NAA11: variants seen among roughly 807,000 people sequenced by gnomAD.
The protein encoded by NAA11 is N-alpha-acetyltransferase 11, NatA catalytic subunit, also known as N-alpha-acetyltransferase 11.
Under a neutral mutation model 16.1 loss-of-function variants are expected in NAA11, and 15 were observed. The ratio of observed to expected loss-of-function variants is 0.93; its 90% CI spans 0.62 to 1.44. The LOEUF (loss-of-function observed/expected upper bound fraction) is 1.44, where lower values mean the gene tolerates loss of function less well. Ranked by LOEUF, NAA11 falls within the 40% of genes most tolerant of loss-of-function variation. The probability of loss-of-function intolerance (pLI) is 0.00; values close to 1 mark genes in which losing one functional copy is unlikely to be tolerated. For missense variants in NAA11, 298 were observed against 291.3 expected, an observed-to-expected ratio of 1.02 and a Z score of -0.17; for synonymous variants, 122 against 112.4, an observed-to-expected ratio of 1.09 and a Z score of -0.54.
intron 2 of NAA11, among the ~76,000 whole-genome samples, chr4:79,236,898 C>A (rs960138450): frequency 3.9e-5 from 6 of 152,110 alleles, no homozygotes; most frequent in Admixed American, 3.3e-4. Flanking sequence ...AAAACAACTC[C>A]GCATGCTAAG....
chr4:79,325,108 T>A (rs558831027), intron 1 of NAA11, 68 bp downstream of exon 1: 2 of 1,362,128 alleles, frequency 1.5e-6, no homozygotes, highest in South Asian at 3.0e-5. Flanking sequence ...CAGGATGGAA[T>A]TGGGCAGGCC....
the NAA11 span, among the ~76,000 whole-genome samples, chr4:79,188,019 AAAAAG>A: frequency 6.6e-6 from 1 of 151,358 alleles, no homozygotes; most frequent in African/African-American, 2.4e-5. Context: ...AAAAAAAAAA[AAAAAG>A]AAATACTTGT....
At chr4:79,212,902 A>G in the NAA11 span, among the ~76,000 whole-genome samples, 4 of 152,106 alleles carry the variant, frequency 2.6e-5, no homozygotes, top group African/African-American at 9.7e-5. Flanking sequence ...GGACTACTGT[A>G]TTATAATTGT....
the NAA11 span, among the ~76,000 whole-genome samples, chr4:79,204,091 T>C: frequency 1.3e-5 from 2 of 151,892 alleles, no homozygotes; most frequent in African/African-American, 2.4e-5. Context: ...GAAAGGTATT[T>C]TGACAATGTA....
At chr4:79,262,785 C>A (rs1722268675) in intron 2 of NAA11, among the ~76,000 whole-genome samples, 1 of 152,058 alleles carries the variant, frequency 6.6e-6, no homozygotes, top group Non-Finnish European at 1.5e-5. Flanking sequence ...TAAATGTGTT[C>A]TAAAGGGCAT....
chr4:79,293,568 A>G (rs1295376087), intron 2 of NAA11, among the ~76,000 whole-genome samples: 1 of 152,240 alleles, frequency 6.6e-6, no homozygotes, highest in Non-Finnish European at 1.5e-5. Flanking sequence ...ATTCAAGCTT[A>G]TATGGCAGAA....
At chr4:79,303,834 A>G (rs1242103735) in intron 1 of NAA11, among the ~76,000 whole-genome samples, 1 of 152,210 alleles carries the variant, frequency 6.6e-6, no homozygotes, top group Non-Finnish European at 1.5e-5. Context: ...TTTCACTTAA[A>G]GATCAAAATG....
downstream of NAA11, among the ~76,000 whole-genome samples, chr4:79,315,533 C>T (rs1723902125): frequency 2.0e-5 from 3 of 152,078 alleles, no homozygotes; most frequent in African/African-American, 7.2e-5. Context: ...GCTAGCAGAC[C>T]TGAGCACATC....
At chr4:79,303,187 A>G (rs1023381428) in intron 1 of NAA11, among the ~76,000 whole-genome samples, 1 of 149,466 alleles carries the variant, frequency 6.7e-6, no homozygotes, top group South Asian at 2.1e-4. Context: ...AAGAAACAAC[A>G]TAAGAGATAA....
chr4:79,321,968 C>G (rs900273480), intron 1 of NAA11, among the ~76,000 whole-genome samples: 1 of 152,046 alleles, frequency 6.6e-6, no homozygotes, highest in Non-Finnish European at 1.5e-5. Flanking sequence ...CTAAATGATC[C>G]CTGAATGATA....
the NAA11 span, among the ~76,000 whole-genome samples, chr4:79,157,537 A>G: frequency 6.6e-6 from 1 of 151,886 alleles, no homozygotes; most frequent in East Asian, 1.9e-4. Context: ...ATATGCATGT[A>G]TATATACACA....
At chr4:79,246,028 T>C (rs1177871240) in intron 2 of NAA11, among the ~76,000 whole-genome samples, 1 of 152,200 alleles carries the variant, frequency 6.6e-6, no homozygotes, top group Admixed American at 6.5e-5. Flanking sequence ...TGTTCTGTAC[T>C]AAGAAAAATT....
At chr4:79,242,051 T>G (rs909605338) in intron 2 of NAA11, among the ~76,000 whole-genome samples, 1 of 152,224 alleles carries the variant, frequency 6.6e-6, no homozygotes, top group South Asian at 2.1e-4. Context: ...TGATGCTGCT[T>G]CTTGCTCCTC....
chr4:79,253,643 T>G lies in NAA11; in HGVS notation c.*123-27373A>C, dbSNP rs139203437. ...AACATGAATGATTTCAACAAAGAAC[T>G]AGAAGTCCTACGACAGAATATTCAA... On this transcript the variant is annotated intron_variant and NMD_transcript_variant, in intron 2 of 2. Transcript: ENST00000511542. Among the ~76,000 whole-genome samples the G allele has an allele frequency of 2.5e-3, 388 of 152,240 alleles. 1 individual carries two copies. The highest frequency in any genetic ancestry group is 4.8e-3 in the Admixed American group (74 of 15,292).
intron 1 of NAA11, among the ~76,000 whole-genome samples, chr4:79,303,103 T>TATATAC (rs1723455569): frequency 8.0e-6 from 1 of 124,294 alleles, no homozygotes; most frequent in African/African-American, 3.2e-5. Flanking sequence ...TATATATATA[T>TATATAC]ATATATATAT....
the NAA11 span, among the ~76,000 whole-genome samples, chr4:79,216,874 C>T: frequency 6.6e-6 from 1 of 152,124 alleles, no homozygotes; most frequent in Non-Finnish European, 1.5e-5. Flanking sequence ...CCTCTATTAA[C>T]ATGTATTCTG....
At chr4:79,262,149 T>C (rs371132995) in intron 2 of NAA11, among the ~76,000 whole-genome samples, 14 of 152,198 alleles carry the variant, frequency 9.2e-5, no homozygotes, top group African/African-American at 3.4e-4. Context: ...TAAAATTGTA[T>C]AATCAAGCAT....
the NAA11 span, among the ~76,000 whole-genome samples, chr4:79,174,612 T>C: frequency 0.99 from 151,160 of 152,292 alleles, 75,027 homozygotes; most frequent in Middle Eastern, 1. Context: ...TTACTCATGA[T>C]TGAGTTACAA....
At chr4:79,310,962 G>A (rs1404255362) in intron 1 of NAA11, among the ~76,000 whole-genome samples, 1 of 152,174 alleles carries the variant, frequency 6.6e-6, no homozygotes, top group Non-Finnish European at 1.5e-5. Context: ...CTGAGCACCA[G>A]GGATGAGTGA....
Sources: gnomAD v4.1 joint callset for allele counts (sites outside exome capture counted in the v4.1 genomes callset) on GRCh38, gnomAD v4.1.1 for gene constraint, MANE v1.5 for transcripts, NCBI Gene and HGNC (gene_info 2026-07-23, HGNC 2026-07-21) for gene names.